Variants in CPQ observed in about 807,000 individuals in gnomAD.
The protein encoded by CPQ is Ser-Met dipeptidase.
CPQ carries 37 observed loss-of-function variants against 45.7 expected under a neutral mutation model. That is an observed-to-expected ratio of 0.81 (90% confidence interval 0.62 to 1.07). CPQ has a LOEUF of 1.07. Among genes scored for constraint, CPQ ranks in the 50% least tolerant of loss-of-function variants. The pLI is 0.00. For missense variants in CPQ, 537 were observed against 572.9 expected (o/e 0.94, Z 0.64); for synonymous variants, 186 against 205.8 (o/e 0.90, Z 0.82).
At chr8:96,743,171 G>A (rs555615185) in intron 1 of CPQ, among the ~76,000 whole-genome samples, 234 of 152,030 alleles carry the variant, frequency 1.5e-3, no homozygotes, top group South Asian at 8.7e-3. Flanking sequence ...GGCTTTGCTC[G>A]TTTCTTTTTA....
In CPQ at chr8:96,722,830, T is replaced by G. The variant is rs571954072; in HGVS notation, c.-34-62034T>G. On this transcript the variant is annotated intron_variant, in intron 1 of 7. Transcript: ENST00000220763. The stretch of plus-strand genomic sequence containing the variant: ...CCATCAAATCATCTATTTTCTTGAT[T>G]TCCCTGGCGCAGGAAGAGGAAGCTA... 2.0e-5 allele frequency among the ~76,000 whole-genome samples: 3 copies of G among 152,276 alleles called. No individual in the cohort carries two copies. In the East Asian group the frequency reaches 5.8e-4, roughly 29 times the overall value.
At chr8:96,896,207 C>G (rs1812440197) in intron 4 of CPQ, among the ~76,000 whole-genome samples, 1 of 152,090 alleles carries the variant, frequency 6.6e-6, no homozygotes, top group South Asian at 2.1e-4. Context: ...TCCCTCTCCA[C>G]CTGTCTTGCA....
intron 7 of CPQ, among the ~76,000 whole-genome samples, chr8:97,139,290 AAGGGACATTTTCACACATCTCACAG>A (rs1270012456): frequency 6.6e-6 from 1 of 152,202 alleles, no homozygotes; most frequent in Non-Finnish European, 1.5e-5. Context: ...CAAAATCACA[AAGGGACATTTTCACACATCTCACAG>A]AGGGACATTT....
intron 5 of CPQ, among the ~76,000 whole-genome samples, chr8:97,003,633 A>C (rs1416203821): frequency 6.6e-6 from 1 of 152,174 alleles, no homozygotes; most frequent in Non-Finnish European, 1.5e-5. Context: ...AGTAATATGC[A>C]TGCTTTGCCA....
At chr8:97,123,425 A>G (rs1274249980) in intron 7 of CPQ, among the ~76,000 whole-genome samples, 1 of 151,298 alleles carries the variant, frequency 6.6e-6, no homozygotes, top group African/African-American at 2.4e-5. Context: ...GAAGTATACT[A>G]TTGTAGAATT....
At chr8:96,711,983 T>A (rs1245581414) in intron 1 of CPQ, among the ~76,000 whole-genome samples, 1 of 152,186 alleles carries the variant, frequency 6.6e-6, no homozygotes, top group Admixed American at 6.5e-5. Context: ...AATTACTTAC[T>A]AGATACAATG....
At chr8:97,085,342 C>G (rs940544070) in intron 7 of CPQ, among the ~76,000 whole-genome samples, 2 of 151,994 alleles carry the variant, frequency 1.3e-5, no homozygotes, top group Non-Finnish European at 2.9e-5. Context: ...CATGATCATG[C>G]CACTGCACTC....
intron 1 of CPQ, among the ~76,000 whole-genome samples, chr8:96,685,354 T>C (rs1809212305): frequency 6.6e-6 from 1 of 152,160 alleles, no homozygotes; most frequent in Admixed American, 6.5e-5. Flanking sequence ...AATGGTACTT[T>C]AAGGGTTCTT....
chr8:97,024,444 C>T (rs1471160829), intron 5 of CPQ, among the ~76,000 whole-genome samples: 1 of 152,140 alleles, frequency 6.6e-6, no homozygotes, highest in Admixed American at 6.6e-5. Context: ...CCCAAAATGC[C>T]TAATTGCTTT....
intron 1 of CPQ, among the ~76,000 whole-genome samples, chr8:96,766,492 T>C (rs965505039): frequency 4.6e-5 from 7 of 151,970 alleles, no homozygotes; most frequent in Non-Finnish European, 7.4e-5. Flanking sequence ...GTTGGGAAGA[T>C]GGGAATCAAA....
chr8:96,703,954 T>C (rs1459944979), intron 1 of CPQ, among the ~76,000 whole-genome samples: 2 of 152,194 alleles, frequency 1.3e-5, no homozygotes, highest in Admixed American at 6.5e-5. Context: ...TAATTTGGAA[T>C]ACAAAAATAT....
intron 5 of CPQ, among the ~76,000 whole-genome samples, chr8:97,023,565 CAT>C (rs1202560876): frequency 6.6e-6 from 1 of 152,200 alleles, no homozygotes; most frequent in Non-Finnish European, 1.5e-5. Context: ...CACTTGGAGT[CAT>C]AATGTTTCTG....
rs111516051 is a variant in CPQ, at chr8:96,770,817, T to C, written c.-34-14047T>C. Among the ~76,000 whole-genome samples, 320 of 148,698 alleles carry C rather than the reference T, an allele frequency of 2.2e-3. 2 individuals are homozygous for C. The highest frequency in any genetic ancestry group is 6.7e-3 in the African/African-American group (275 of 40,954). ...GTAGTAAGTGAACATAGGCAGGCAA[T>C]ATAGGAGGTGATACCTGAATTAGTT... On this transcript the variant is annotated intron_variant, in intron 1 of 7. Transcript: ENST00000220763.
chr8:97,074,703 A>T (rs1810813038), intron 7 of CPQ, among the ~76,000 whole-genome samples: 1 of 152,078 alleles, frequency 6.6e-6, no homozygotes, highest in Non-Finnish European at 1.5e-5. Flanking sequence ...TCCGGGAGGC[A>T]GAGGTTGCAG....
At chr8:96,710,861 AT>A (rs1386499169) in intron 1 of CPQ, among the ~76,000 whole-genome samples, 1 of 151,928 alleles carries the variant, frequency 6.6e-6, no homozygotes, top group Non-Finnish European at 1.5e-5. Context: ...TATTAGGTCA[AT>A]TTTTTTTATA....
intron 3 of CPQ, among the ~76,000 whole-genome samples, chr8:96,839,566 A>G (rs756731695): frequency 7.9e-5 from 12 of 152,166 alleles, no homozygotes; most frequent in South Asian, 2.1e-4. Flanking sequence ...TCTATGGAAC[A>G]ATTTGTCTTG....
rs578108402 is a variant in CPQ, at chr8:96,841,059, C to T, written c.641+5879C>T. Among the ~76,000 whole-genome samples, 4 of 152,150 alleles carry T rather than the reference C, an allele frequency of 2.6e-5. No individual in the cohort carries two copies. In the South Asian group the frequency reaches 8.3e-4, roughly 32 times the overall value. On this transcript the variant is annotated intron_variant, in intron 3 of 7. Coordinates refer to ENST00000220763, the MANE Select transcript of CPQ (RefSeq NM_016134.4). ...TATATACTTTATTCATTTATGTTGC[C>T]TATTCGAGTCCTGTAGATATTTGAG...
intron 3 of CPQ, among the ~76,000 whole-genome samples, chr8:96,844,018 T>C (rs756400418): frequency 5.9e-5 from 9 of 152,244 alleles, no homozygotes; most frequent in Non-Finnish European, 1.0e-4. Flanking sequence ...GTAAAATATA[T>C]ATAAACGTTA....
chr8:96,996,924 A>G (rs1809188579), intron 5 of CPQ, among the ~76,000 whole-genome samples: 1 of 151,992 alleles, frequency 6.6e-6, no homozygotes, highest in Non-Finnish European at 1.5e-5. Flanking sequence ...GCATCTGGAA[A>G]TGTTCTACCA....
Sources: allele counts gnomAD v4.1 joint callset (sites outside exome capture counted in the v4.1 genomes callset), GRCh38; gene constraint gnomAD v4.1.1; transcripts MANE v1.5; gene names NCBI Gene and HGNC (gene_info 2026-07-23, HGNC 2026-07-21).